Variants in RRP12 observed in about 807,000 individuals in gnomAD.
RRP12 encodes RRP12-like protein.
In RRP12, 78 loss-of-function variants were observed where a neutral mutation model predicts 157.3. The observed-to-expected ratio is 0.50, with a 90% CI of 0.41 to 0.60. The LOEUF (loss-of-function observed/expected upper bound fraction) is 0.60, where lower values mean the gene tolerates loss of function less well. Among genes scored for constraint, RRP12 ranks in the 20% least tolerant of loss-of-function variants. The probability of loss-of-function intolerance (pLI) is 0.00; values close to 1 mark genes in which losing one functional copy is unlikely to be tolerated. For missense variants in RRP12, 1,521 were observed against 1,679.9 expected (o/e 0.91, Z 1.65); for synonymous variants, 726 against 670.9 (o/e 1.08, Z -1.27).
intron 15 of RRP12, among the ~76,000 whole-genome samples, chr10:97,374,274 ATCC>A (rs1339714205): frequency 2.0e-5 from 3 of 152,052 alleles, no homozygotes; most frequent in Admixed American, 1.3e-4. Context: ...GGCTCACGCG[ATCC>A]TCCTACCTCA....
rs1386152706 is a variant in RRP12 at position 97,373,709 on chromosome 10, G to A, written c.1892C>T (p.Thr631Ile). The change falls in exon 17 of 34, where the codon ACA (threonine) becomes ATA (isoleucine). Residue 631 changes from threonine (T) to isoleucine (I), a missense_variant. Coordinates refer to ENST00000370992, the MANE Select transcript of RRP12 (RefSeq NM_015179.4). ...GGAGATGGCCACATCTGTAGGCCTTGTGCAGAACCCAGGCAGGAGTGTCCA... is the reference window on the plus strand; with the variant it reads ...GGAGATGGCCACATCTGTAGGCCTTATGCAGAACCCAGGCAGGAGTGTCCA... ...QMWTLLPGFC[T>I]RPTDVAISFK... 6.2e-7 allele frequency: 1 copy of A among 1,613,614 alleles called. No homozygotes were observed. Among genetic ancestry groups the A allele is most frequent in the Admixed American group, 1.7e-5 (1 of 59,996 alleles).
intron 2 of RRP12, 94 bp from the exon 3 acceptor site, chr10:97,396,395 G>A (rs1844966435): frequency 3.1e-6 from 3 of 981,128 alleles, no homozygotes; most frequent in Non-Finnish European, 3.2e-6. Flanking sequence ...TTAATCTCTG[G>A]TTAAAGCCCA....
chr10:97,390,479 C>T lies in RRP12; in HGVS notation c.697G>A (p.Val233Met), dbSNP rs376656308. 1.5e-5 allele frequency: 24 copies of T among 1,614,060 alleles called. No individual in the cohort carries two copies. The highest frequency in any genetic ancestry group is 3.3e-5 in the South Asian group (3 of 91,088). ...KQDLEAWGYP[V>M]TLQVYHGLLS... ...AGCCCATGGTACACCTGAAGGGTCA[C>T]GGGGTAGCCCCAGGCCTCCAGGTCT... Residue 233 changes from valine to methionine, a missense_variant, in exon 6 of 34, where the codon GTG becomes ATG. Val to Met is a conservative substitution (Grantham distance 21). Transcript: ENST00000370992.
Position 97,388,562 on chromosome 10 carries a change from T to C in RRP12, c.816A>G (p.Glu272=). Residue 272 remains glutamate (E), a synonymous_variant, in exon 7 of 34, where the codon GAA becomes GAG. Transcript: ENST00000370992. ...SVLKGSEFMF[E]KAPAHHPAAI... ...CAGCAGGATGATGGGCAGGGGCCTT[T>C]TCAAACATGAATTCACTGCCCTTGA... 1 of 1,614,190 alleles carries C rather than the reference T, an allele frequency of 6.2e-7. No homozygotes were observed. Among genetic ancestry groups the C allele is most frequent in the Non-Finnish European group, 8.5e-7 (1 of 1,180,038 alleles).
rs1226729129 is a variant in RRP12 at position 97,370,579 on chromosome 10, T to A, written c.2584-19A>T. The A allele has an allele frequency of 1.9e-6, 3 of 1,603,284 alleles. No individual in the cohort carries two copies. The African/African-American group carries it at 4.0e-5, about 22-fold the overall frequency. On this transcript the variant is annotated intron_variant, in intron 22 of 33. Transcript: ENST00000370992. The stretch of plus-strand genomic sequence containing the variant: ...GGATCACCTGGCCAAGACAACTCCA[T>A]CAGCATCTGCTCCCTGAGCCATCTG...
chr10:97,375,576 C>G (rs1844282418), intron 15 of RRP12, among the ~76,000 whole-genome samples: 1 of 152,032 alleles, frequency 6.6e-6, no homozygotes, highest in Non-Finnish European at 1.5e-5. Flanking sequence ...TGTAGTATTA[C>G]CAGGACAAAG....
rs536280592 is a variant in RRP12 at position 97,398,306 on chromosome 10, G to A, written c.369+1999C>T. Among the ~76,000 whole-genome samples the A allele has an allele frequency of 2.6e-3, 262 of 99,192 alleles. 51 individuals carry two copies. The highest frequency in any genetic ancestry group is 4.6e-3 in the Non-Finnish European group (240 of 52,444). 65.1% of individuals were successfully genotyped at this position (99,192 alleles called of 152,430 possible). Reference sequence around the variant, plus strand: ...CCTGACCTCATGATCCACCCGCCTCGGCCTCCCAAAGTGCTGGGATTACAG... The same window carrying A: ...CCTGACCTCATGATCCACCCGCCTCAGCCTCCCAAAGTGCTGGGATTACAG... On this transcript the variant is annotated intron_variant, in intron 2 of 33. Coordinates refer to ENST00000370992, the MANE Select transcript of RRP12 (RefSeq NM_015179.4).
chr10:97,365,873 A>T, intron 29 of RRP12: 2 of 552,980 alleles, frequency 3.6e-6, no homozygotes, highest in Non-Finnish European at 6.4e-6. Context: ...AGTAAGGGGA[A>T]GTACCATTTC....
At chr10:97,374,037 T>C (rs1844236236) in intron 15 of RRP12, 143 bp from the exon 16 acceptor site, 1 of 675,598 alleles carries the variant, frequency 1.5e-6, no homozygotes, top group Non-Finnish European at 2.6e-6. Context: ...ATCATACTTG[T>C]TCATTCTAAA....
chr10:97,373,066 G>A lies in RRP12; in HGVS notation c.2161C>T (p.Leu721Phe). ...RAVLETIRTY[L>F]TITDTQLVNS... is the part of the protein sequence containing the mutation. Reference sequence around the variant, plus strand: ...CTCACCTGAGTGTCAGTGATGGTGAGGTAAGTTCTGATGGTTTCCAGCACA... The same window carrying A: ...CTCACCTGAGTGTCAGTGATGGTGAAGTAAGTTCTGATGGTTTCCAGCACA... Residue 721 changes from leucine (L) to phenylalanine (F), a missense_variant, in exon 18 of 34, where the codon CTC becomes TTC. Coordinates refer to ENST00000370992, the MANE Select transcript of RRP12 (RefSeq NM_015179.4). 1 of 1,613,482 alleles carries A rather than the reference G, an allele frequency of 6.2e-7. No homozygotes were observed. Among genetic ancestry groups the A allele is most frequent in the South Asian group, 1.1e-5 (1 of 91,008 alleles).
rs148537105 is a variant in RRP12, at chr10:97,366,800, C to G, written c.3157G>C (p.Val1053Leu). The change falls in exon 27 of 34, where the codon GTG becomes CTG. Residue 1053 changes from valine (V) to leucine (L), a missense_variant. Physicochemically the swap from Val to Leu is conservative, Grantham distance 32. Transcript: ENST00000370992. Reference protein sequence around the residue: ...KRHRALSQAAVEEEEEEEEEE... With the variant: ...KRHRALSQAALEEEEEEEEEE... ...TCCTCCTCCTCTTCTTCCTCCTCCA[C>G]GGCAGCCTGGCTCAGGGCTCGGTGC... 3 of 1,614,224 alleles carry G rather than the reference C, an allele frequency of 1.9e-6. No homozygotes were observed. Among genetic ancestry groups the G allele is most frequent in the Admixed American group, 3.3e-5 (2 of 60,028 alleles).
intron 25 of RRP12, 161 bp from the exon 26 acceptor site, chr10:97,367,293 C>T (rs887831138): frequency 2.1e-5 from 13 of 631,860 alleles, no homozygotes; most frequent in African/African-American, 1.3e-4. Context: ...ATGCTTCCCT[C>T]GGGTGGGCAG....
At chr10:97,390,583 G>A (rs1564767830) in intron 5 of RRP12, 44 bp from the exon 6 acceptor site, 1 of 1,509,526 alleles carries the variant, frequency 6.6e-7, no homozygotes. Context: ...GCCTCGGCCA[G>A]GAGGGAAAAG....
chr10:97,378,449 G>A (rs771495488), intron 15 of RRP12, among the ~76,000 whole-genome samples: 1 of 152,164 alleles, frequency 6.6e-6, no homozygotes, highest in Admixed American at 6.6e-5. Context: ...CTAAACACAC[G>A]TAAACATTGA....
chr10:97,379,860 T>C lies in RRP12; in HGVS notation c.1534-90A>G, dbSNP rs560488744. 10 of 1,344,044 alleles carry C rather than the reference T, an allele frequency of 7.4e-6. No homozygotes were observed. In the East Asian group the frequency reaches 2.4e-4, roughly 33 times the overall value. The allele number at this position is 1,344,044 out of a possible 1,614,324, so 83.3% of individuals were successfully genotyped here. A position where few individuals can be genotyped will look rare whatever the true frequency, so the allele number is the denominator to read the frequency against. Reference sequence around the variant, plus strand: ...CCGCTGAACGATGAGGCTGGAATTCTGGGCCTGGGTTCAACGCTACACCAG... The same window carrying C: ...CCGCTGAACGATGAGGCTGGAATTCCGGGCCTGGGTTCAACGCTACACCAG... On this transcript the variant is annotated intron_variant, in intron 13 of 33. Coordinates refer to ENST00000370992, the MANE Select transcript of RRP12 (RefSeq NM_015179.4).
chr10:97,393,038 A>G (rs887310116), intron 4 of RRP12, among the ~76,000 whole-genome samples: 1 of 151,892 alleles, frequency 6.6e-6, no homozygotes, highest in African/African-American at 2.4e-5. Flanking sequence ...TAGCCTACCC[A>G]GCTAATTTTT....
rs773893510 is a variant in RRP12, at chr10:97,369,462, A to G, written c.2918T>C (p.Met973Thr). 1.9e-6 allele frequency: 3 copies of G among 1,612,516 alleles called. No individual in the cohort carries two copies. The highest frequency in any genetic ancestry group is 2.7e-5 in the African/African-American group (2 of 74,924). Residue 973 changes from methionine to threonine, a missense_variant, in exon 25 of 34, where the codon ATG (methionine) becomes ACG (threonine). Met to Thr is a moderately conservative substitution (Grantham distance 81). Coordinates refer to ENST00000370992, the MANE Select transcript of RRP12 (RefSeq NM_015179.4). ...LGFIKVAVTV[M>T]DVAHLAKHVQ... ...ATGTTTGGCCAGGTGCGCCACGTCCATGACAGTCACTGCCACCTTGATGAA... is the reference window on the plus strand; with the variant it reads ...ATGTTTGGCCAGGTGCGCCACGTCCGTGACAGTCACTGCCACCTTGATGAA...
intron 33 of RRP12, 140 bp from the exon 34 acceptor site, chr10:97,357,336 G>C: frequency 1.7e-6 from 1 of 581,094 alleles, no homozygotes; most frequent in Non-Finnish European, 3.1e-6. Context: ...GAACTAGGCA[G>C]ACCTCACGTG....
chr10:97,386,675 T>C (rs1262079105), intron 8 of RRP12, among the ~76,000 whole-genome samples: 5 of 152,188 alleles, frequency 3.3e-5, no homozygotes, highest in Admixed American at 6.5e-5. Context: ...TTTAAAAATA[T>C]GTATGTAAAT....
Sources: gnomAD v4.1 joint callset for allele counts (sites outside exome capture counted in the v4.1 genomes callset) on GRCh38, gnomAD v4.1.1 for gene constraint, MANE v1.5 for transcripts, NCBI Gene and HGNC (gene_info 2026-07-23, HGNC 2026-07-21) for gene names.